The following NPR3 variants were observed in gnomAD, a reference collection of about 807,000 sequenced individuals.
The protein encoded by NPR3 is natriuretic peptide receptor 3.
NPR3 carries 34 observed loss-of-function variants against 54.5 expected under a neutral mutation model. That is an observed-to-expected ratio of 0.62 (90% CI 0.47 to 0.83). NPR3 has a LOEUF of 0.83. Ranked by LOEUF, NPR3 falls within the 40% of genes least tolerant of loss-of-function variation. The pLI, the probability that NPR3 is intolerant of heterozygous loss-of-function variation, is 0.00. For missense variants in NPR3, 674 were observed against 720.8 expected, an observed-to-expected ratio of 0.94 and a Z score of 0.74; for synonymous variants, 289 against 297.1, an observed-to-expected ratio of 0.97 and a Z score of 0.28.
chr5:32,718,665 A>G (rs996405217), intron 1 of NPR3, among the ~76,000 whole-genome samples: 2 of 152,148 alleles, frequency 1.3e-5, no homozygotes, highest in African/African-American at 4.8e-5. Flanking sequence ...TTAATGTTGT[A>G]TAGGAATGCT....
chr5:32,716,456 C>T (rs1270790829), intron 1 of NPR3: 1 of 452,008 alleles, frequency 2.2e-6, no homozygotes, highest in Non-Finnish European at 4.4e-6. Context: ...CTGTTAACCA[C>T]ACATGCAAGC....
chr5:32,716,996 A>AACCC (rs1561079842), intron 1 of NPR3, among the ~76,000 whole-genome samples: 1 of 109,668 alleles, frequency 9.1e-6, no homozygotes, highest in African/African-American at 3.7e-5. Flanking sequence ...CCATCCCCCA[A>AACCC]CCCCCCCACC....
intron 2 of NPR3, among the ~76,000 whole-genome samples, chr5:32,726,381 G>A (rs368587877): frequency 4.6e-5 from 7 of 152,230 alleles, no homozygotes; most frequent in African/African-American, 1.7e-4. Context: ...GAGATTTGAG[G>A]CTTGCAAGAT....
intron 2 of NPR3, among the ~76,000 whole-genome samples, chr5:32,733,740 C>T (rs1289273093): frequency 1.3e-5 from 2 of 152,170 alleles, no homozygotes; most frequent in African/African-American, 4.8e-5. Flanking sequence ...TCACATAATT[C>T]ATCAATCATA....
rs1019109601 is a variant in NPR3 at position 32,786,580 on chromosome 5, A to C, written c.*235A>C. 1 of 495,160 alleles carries C rather than the reference A, an allele frequency of 2.0e-6. No individual in the cohort carries two copies. The highest frequency in any genetic ancestry group is 3.5e-6 in the Non-Finnish European group (1 of 285,750). The allele number at this position is 495,160 out of a possible 1,614,324, so 30.7% of individuals were successfully genotyped here. A position where few individuals can be genotyped will look rare whatever the true frequency, so the allele number is the denominator to read the frequency against. On this transcript the variant is annotated 3_prime_UTR_variant, in exon 8 of 8. Coordinates refer to ENST00000265074, the MANE Select transcript of NPR3 (RefSeq NM_001204375.2). ...ATAATGATATCGTGTCACTCTGTTA[A>C]ATGTTCATACTGTTTCAAGCCCATA...
chr5:32,755,605 C>T (rs1476978745), intron 3 of NPR3, among the ~76,000 whole-genome samples: 1 of 152,122 alleles, frequency 6.6e-6, no homozygotes, highest in East Asian at 1.9e-4. Flanking sequence ...TACAGGGAAT[C>T]CAAGCTTAGA....
chr5:32,759,155 T>A (rs1441333517), intron 3 of NPR3, among the ~76,000 whole-genome samples: 3 of 152,200 alleles, frequency 2.0e-5, no homozygotes, highest in Admixed American at 6.5e-5. Flanking sequence ...GTCCTGGATA[T>A]CCTTGTTAAC....
chr5:32,776,051 G>A (rs908513962), intron 4 of NPR3, among the ~76,000 whole-genome samples: 2 of 152,164 alleles, frequency 1.3e-5, no homozygotes, highest in African/African-American at 4.8e-5. Flanking sequence ...TCTCCCCACT[G>A]TGTATCACTA....
Position 32,757,335 on chromosome 5 carries a change from G to T in NPR3, c.1060-17373G>T, listed in dbSNP as rs544020419. On this transcript the variant is annotated intron_variant, in intron 3 of 7. Coordinates refer to ENST00000265074, the MANE Select transcript of NPR3 (RefSeq NM_001204375.2). ...GGTCCTTCACATCCCTTGTAAGTTGGATTCCTAGGTATTTTATTCTCTTTG... is the reference window on the plus strand; with the variant it reads ...GGTCCTTCACATCCCTTGTAAGTTGTATTCCTAGGTATTTTATTCTCTTTG... Among the ~76,000 whole-genome samples the T allele has an allele frequency of 4.3e-3, 655 of 152,258 alleles. 2 individuals are homozygous for T. The highest frequency in any genetic ancestry group is 0.013 in the African/African-American group (553 of 41,544).
At position 32,786,442 on chromosome 5, in the gene NPR3, A is replaced by G; in HGVS notation, c.*97A>G. 5 of 656,742 alleles carry G rather than the reference A, an allele frequency of 7.6e-6. No homozygotes were observed. Among genetic ancestry groups the G allele is most frequent in the Non-Finnish European group, 1.4e-5 (5 of 367,934 alleles). The allele number at this position is 656,742 out of a possible 1,614,324, so 40.7% of individuals were successfully genotyped here. Reference sequence around the variant, plus strand: ...GAAACAGAAGGGGCGTTCTTGAAGAATTCATAATTTTAAGCAGTTAGTAAT... The same window carrying G: ...GAAACAGAAGGGGCGTTCTTGAAGAGTTCATAATTTTAAGCAGTTAGTAAT... On this transcript the variant is annotated 3_prime_UTR_variant, in exon 8 of 8. Transcript: ENST00000265074.
Position 32,746,071 on chromosome 5 carries a change from G to A in NPR3, c.1059+7041G>A, listed in dbSNP as rs116424912. On this transcript the variant is annotated intron_variant, in intron 3 of 7. Coordinates refer to ENST00000265074, the MANE Select transcript of NPR3 (RefSeq NM_001204375.2). ...TAGTGTAAAGCACTCTGACACGCTGGTGATAATCACAGGAGTCTGGACAGT... is the reference window on the plus strand; with the variant it reads ...TAGTGTAAAGCACTCTGACACGCTGATGATAATCACAGGAGTCTGGACAGT... Among the ~76,000 whole-genome samples, 549 of 152,330 alleles carry A rather than the reference G, an allele frequency of 3.6e-3. 4 individuals carry two copies. The highest frequency in any genetic ancestry group is 0.013 in the African/African-American group (532 of 41,586).
intron 1 of NPR3, among the ~76,000 whole-genome samples, chr5:32,719,401 A>G (rs537391295): frequency 5.6e-4 from 86 of 152,330 alleles, no homozygotes; most frequent in African/African-American, 2.0e-3. Context: ...AAAAATTTTC[A>G]TCATACCTTT....
intron 3 of NPR3, among the ~76,000 whole-genome samples, chr5:32,742,930 T>C (rs1740110303): frequency 6.6e-6 from 1 of 152,198 alleles, no homozygotes; most frequent in Non-Finnish European, 1.5e-5. Context: ...TGACTCTATT[T>C]CTTATATGTT....
In NPR3 at chr5:32,789,868, G is replaced by A. The variant is rs1424513385; in HGVS notation, c.*3523G>A. ...TGGCTATTTGTGGAAATCTCTTTGG[G>A]AGATCAAATAGAGTATTATGCCACT... On this transcript the variant is annotated 3_prime_UTR_variant, in exon 8 of 8. Transcript: ENST00000265074. The A allele has an allele frequency of 2.3e-6, 1 of 439,004 alleles. No homozygotes were observed. Among genetic ancestry groups the A allele is most frequent in the Non-Finnish European group, 4.6e-6 (1 of 217,004 alleles). The allele number at this position is 439,004 out of a possible 1,614,324, so 27.2% of individuals were successfully genotyped here.
At chr5:32,779,646 C>T (rs773361203) in intron 4 of NPR3, among the ~76,000 whole-genome samples, 4 of 152,166 alleles carry the variant, frequency 2.6e-5, no homozygotes, top group Non-Finnish European at 4.4e-5. Context: ...ACTGCTTGCC[C>T]AATCTTAGAC....
intron 3 of NPR3, among the ~76,000 whole-genome samples, chr5:32,743,223 A>G (rs1740123602): frequency 6.6e-6 from 1 of 152,156 alleles, no homozygotes; most frequent in Non-Finnish European, 1.5e-5. Context: ...AGGTAATTGC[A>G]CACTTACATG....
At chr5:32,707,281 G>T (rs1196652681), upstream of NPR3, among the ~76,000 whole-genome samples, 1 of 151,976 alleles carries the variant, frequency 6.6e-6, no homozygotes, top group Non-Finnish European at 1.5e-5. Context: ...TGATGAGATT[G>T]AATTATAAAT....
chr5:32,742,758 T>C (rs1027124826), intron 3 of NPR3, among the ~76,000 whole-genome samples: 7 of 152,170 alleles, frequency 4.6e-5, no homozygotes, highest in Non-Finnish European at 1.0e-4. Flanking sequence ...CCCTTTTCTC[T>C]CTTGTTAGTG....
At chr5:32,696,265 T>C (rs555456949) in intron 1 of NPR3, among the ~76,000 whole-genome samples, 74 of 152,194 alleles carry the variant, frequency 4.9e-4, no homozygotes, top group Non-Finnish European at 7.6e-4. Context: ...GTCCTTTCCC[T>C]AATGGATGTT....
Sources: gnomAD v4.1 joint callset for allele counts (sites outside exome capture counted in the v4.1 genomes callset) on GRCh38, gnomAD v4.1.1 for gene constraint, MANE v1.5 for transcripts, NCBI Gene and HGNC (gene_info 2026-07-23, HGNC 2026-07-21) for gene names.